The following BAG2 variants were observed in gnomAD, a reference collection of about 807,000 sequenced individuals.
The protein encoded by BAG2 is BAG family molecular chaperone regulator 2.
In BAG2, 8 loss-of-function variants were observed where a neutral mutation model predicts 16.4. The ratio of observed to expected loss-of-function variants is 0.49; its 90% CI spans 0.29 to 0.88. The LOEUF (loss-of-function observed/expected upper bound fraction) is 0.88, where lower values mean the gene tolerates loss of function less well. Ranked by LOEUF, BAG2 falls within the 40% of genes least tolerant of loss-of-function variation. The pLI, the probability that BAG2 is intolerant of heterozygous loss-of-function variation, is 0.09. For missense variants in BAG2, 218 were observed against 248.9 expected (o/e 0.88, Z 0.84); for synonymous variants, 82 against 89.2 (o/e 0.92, Z 0.46).
At position 57,188,673 on chromosome 6, in the gene BAG2, T is replaced by C. The variant is rs1248024289; in HGVS notation, c.*4483T>C. 1.3e-5 allele frequency: 2 copies of C among 152,232 alleles called. No homozygotes were observed. The highest frequency in any genetic ancestry group is 2.4e-5 in the African/African-American group (1 of 41,468). The allele number at this position is 152,232 out of a possible 1,614,324, so 9.4% of individuals were successfully genotyped here. On this transcript the variant is annotated 3_prime_UTR_variant, in exon 3 of 3. Transcript: ENST00000370693. ...AACTGAATTTTGCCCCCAAAACCTA[T>C]GTCACTATCAGCAATGGGAGTGGTG... is the stretch of plus-strand genomic sequence containing the variant.
At chr6:57,180,830 A>G (rs1562641608) in intron 1 of BAG2, among the ~76,000 whole-genome samples, 1 of 152,170 alleles carries the variant, frequency 6.6e-6, no homozygotes, top group Non-Finnish European at 1.5e-5. Context: ...AAGACATCCC[A>G]GACGTGGTTC....
At chr6:57,181,927 G>T in intron 1 of BAG2, 105 bp from the exon 2 acceptor site, 1 of 956,448 alleles carries the variant, frequency 1.0e-6, no homozygotes. Context: ...TTTTTGAAAA[G>T]TTTGGTGATC....
At position 57,188,751 on chromosome 6, in the gene BAG2, C is replaced by A. The variant is rs184971972; in HGVS notation, c.*4561C>A. On this transcript the variant is annotated 3_prime_UTR_variant, in exon 3 of 3. Transcript: ENST00000370693. Reference sequence around the variant, plus strand: ...TTACATTACTGTGAAATAGATAATGCCAGATCATTTCAATATAATGAAAAG... The same window carrying A: ...TTACATTACTGTGAAATAGATAATGACAGATCATTTCAATATAATGAAAAG... 651 of 152,192 alleles carry A rather than the reference C, an allele frequency of 4.3e-3. 4 individuals carry two copies. The highest frequency in any genetic ancestry group is 0.015 in the African/African-American group (635 of 41,510). 9.4% of individuals were successfully genotyped at this position (152,192 alleles called of 1,614,324 possible).
intron 1 of BAG2, among the ~76,000 whole-genome samples, chr6:57,181,525 G>A (rs1324371004): frequency 1.3e-5 from 2 of 151,952 alleles, no homozygotes; most frequent in African/African-American, 4.8e-5. Context: ...AACCCCAGGA[G>A]TTTGAGACCA....
At chr6:57,173,151 G>C in intron 1 of BAG2, 1 of 1,014,364 alleles carries the variant, frequency 9.9e-7, no homozygotes, top group Non-Finnish European at 1.2e-6. Flanking sequence ...ATTAAGGACT[G>C]TGGCAGCTTG....
chr6:57,174,019 C>T (rs1332894351), intron 1 of BAG2: 3 of 186,880 alleles, frequency 1.6e-5, no homozygotes, highest in African/African-American at 2.3e-5. Context: ...ATTATTAAGC[C>T]CTACACCAGG....
chr6:57,172,656 A>G lies in BAG2; in HGVS notation c.-42A>G. On this transcript the variant is annotated 5_prime_UTR_variant, in exon 1 of 3. Transcript: ENST00000370693. ...GGAGCGCTCCACTCGCTGCCGCCGGAGGGGCCGGTGACCTCTTGGCTACCC... is the reference window on the plus strand; with the variant it reads ...GGAGCGCTCCACTCGCTGCCGCCGGGGGGGCCGGTGACCTCTTGGCTACCC... 4 of 1,428,914 alleles carry G rather than the reference A, an allele frequency of 2.8e-6. No individual in the cohort carries two copies. The highest frequency in any genetic ancestry group is 3.7e-6 in the Non-Finnish European group (4 of 1,075,356). The allele number at this position is 1,428,914 out of a possible 1,614,324, so 88.5% of individuals were successfully genotyped here.
Position 57,178,713 on chromosome 6 carries a change from G to A in BAG2, c.114-3319G>A, listed in dbSNP as rs369175200. 9.6e-4 allele frequency among the ~76,000 whole-genome samples: 145 copies of A among 151,710 alleles called. 1 individual carries two copies. The highest frequency in any genetic ancestry group is 3.4e-3 in the African/African-American group (140 of 41,394). On this transcript the variant is annotated intron_variant, in intron 1 of 2. Coordinates refer to ENST00000370693, the MANE Select transcript of BAG2 (RefSeq NM_004282.4). ...AATGTATATAAGAAGTTCTATAAAT[G>A]ATGAAATCTGGTTTTCACAGGGATA...
In BAG2 at chr6:57,187,030, A is replaced by C. The variant is rs934480033; in HGVS notation, c.*2840A>C. On this transcript the variant is annotated 3_prime_UTR_variant, in exon 3 of 3. Coordinates refer to ENST00000370693, the MANE Select transcript of BAG2 (RefSeq NM_004282.4). ...ATGCATTTATTTTCTGATTATTGGAATTCATCCTTCATGAAATTTTTAGAG... is the reference window on the plus strand; with the variant it reads ...ATGCATTTATTTTCTGATTATTGGACTTCATCCTTCATGAAATTTTTAGAG... 11 of 152,338 alleles carry C rather than the reference A, an allele frequency of 7.2e-5. No individual in the cohort carries two copies. The allele number at this position is 152,338 out of a possible 1,614,324, so 9.4% of individuals were successfully genotyped here. A position where few individuals can be genotyped will look rare whatever the true frequency, so the allele number is the denominator to read the frequency against.
At position 57,188,585 on chromosome 6, in the gene BAG2, G is replaced by A. The variant is rs927910061; in HGVS notation, c.*4395G>A. ...TGTGCAAAAATTAAAGAGGAGAGTA[G>A]AGAGTAGAAAATTGAAGAGAGTAGA... is the stretch of plus-strand genomic sequence containing the variant. On this transcript the variant is annotated 3_prime_UTR_variant, in exon 3 of 3. Coordinates refer to ENST00000370693, the MANE Select transcript of BAG2 (RefSeq NM_004282.4). 1.3e-5 allele frequency: 2 copies of A among 152,146 alleles called. No individual in the cohort carries two copies. Among genetic ancestry groups the A allele is most frequent in the Non-Finnish European group, 2.9e-5 (2 of 68,000 alleles). 9.4% of individuals were successfully genotyped at this position (152,146 alleles called of 1,614,324 possible).
chr6:57,172,589 A>C lies in BAG2; in HGVS notation c.-109A>C. 13 of 882,906 alleles carry C rather than the reference A, an allele frequency of 1.5e-5. No individual in the cohort carries two copies. The highest frequency in any genetic ancestry group is 3.5e-5 in the East Asian group (1 of 28,912). 54.7% of individuals were successfully genotyped at this position (882,906 alleles called of 1,614,324 possible). A position where few individuals can be genotyped will look rare whatever the true frequency, so the allele number is the denominator to read the frequency against. ...GGTTGCCCCCGCGGGCGTCAGAGGG[A>C]GGGCGGGCGCCCGCGTGGTGACGGC... On this transcript the variant is annotated 5_prime_UTR_variant, in exon 1 of 3. Coordinates refer to ENST00000370693, the MANE Select transcript of BAG2 (RefSeq NM_004282.4).
chr6:57,187,257 AAATAAT>A lies in BAG2; in HGVS notation c.*3076_*3081del, dbSNP rs928530608. 6.6e-6 allele frequency: 1 copy of A among 152,172 alleles called. No homozygotes were observed. Among genetic ancestry groups the A allele is most frequent in the Non-Finnish European group, 1.5e-5 (1 of 68,016 alleles). The allele number at this position is 152,172 out of a possible 1,614,324, so 9.4% of individuals were successfully genotyped here. On this transcript the variant is annotated 3_prime_UTR_variant, in exon 3 of 3. Transcript: ENST00000370693. The stretch of plus-strand genomic sequence containing the variant: ...TGTAGATATTTCGAGAGACAGATGA[AAATAAT>A]AATAATAAAGATTATTATAGCCAAA...
intron 1 of BAG2, 31 bp downstream of exon 1, chr6:57,172,841 C>G (rs1764162096): frequency 1.4e-6 from 2 of 1,438,816 alleles, no homozygotes; most frequent in South Asian, 1.4e-5. Context: ...CTCGGGCGTT[C>G]TGCTCGCCGC....
At chr6:57,178,210 C>A (rs76071331) in intron 1 of BAG2, among the ~76,000 whole-genome samples, 11 of 151,948 alleles carry the variant, frequency 7.2e-5, no homozygotes, top group African/African-American at 2.7e-4. Context: ...GAGTTCCAGA[C>A]GAAAATAACA....
Position 57,183,864 on chromosome 6 carries a change from C to T in BAG2, c.310C>T (p.Pro104Ser), listed in dbSNP as rs756363272. 3.7e-6 allele frequency: 6 copies of T among 1,613,816 alleles called. No homozygotes were observed. Among genetic ancestry groups the T allele is most frequent in the South Asian group, 3.3e-5 (3 of 91,038 alleles). Residue 104 changes from proline (P) to serine (S), a missense_variant, in exon 3 of 3, where the codon CCC (proline) becomes TCC (serine). Physicochemically the swap from Pro to Ser is moderately conservative, Grantham distance 74. This residue lies in a region of BAG2 where 113 missense variants were observed against 128.0 expected (regional missense o/e 0.88). Transcript: ENST00000370693. ...AGTGTCAGTAGAAACAATTAGAAAC[C>T]CCCAGCAGCAAGAATCCCTAAAGCA... The part of the protein sequence containing the change: ...VEVSVETIRN[P>S]QQQESLKHAT...
In BAG2 at chr6:57,178,060, T is replaced by C. The variant is rs772788518; in HGVS notation, c.114-3972T>C. ...GGCCAGCCTTGATGTGAGGAAAAGT[T>C]CTTTCCCAATTTGGACGTGTAGCTG... On this transcript the variant is annotated intron_variant, in intron 1 of 2. Transcript: ENST00000370693. Among the ~76,000 whole-genome samples, 17 of 152,198 alleles carry C rather than the reference T, an allele frequency of 1.1e-4. 1 individual carries two copies.
In BAG2 at chr6:57,184,111, A is replaced by G; in HGVS notation, c.557A>G (p.Lys186Arg). ...TLLRNIENSDKAIKLLEHSKG... is the reference protein window; with the variant it reads ...TLLRNIENSDRAIKLLEHSKG... ...CTTAGAAATATTGAAAACTCTGACA[A>G]GGCCATCAAGCTATTAGAGCATTCT... is the stretch of plus-strand genomic sequence containing the variant. The change falls in exon 3 of 3, where the codon AAG (lysine) becomes AGG (arginine). Residue 186 changes from lysine (K) to arginine (R), a missense_variant. By Grantham distance (26) the Lys-to-Arg change is conservative. Transcript: ENST00000370693. The G allele has an allele frequency of 6.2e-7, 1 of 1,603,410 alleles. No homozygotes were observed. Among genetic ancestry groups the G allele is most frequent in the Non-Finnish European group, 8.5e-7 (1 of 1,177,266 alleles).
Position 57,172,666 on chromosome 6 carries a change from G to A in BAG2, c.-32G>A. ...ACTCGCTGCCGCCGGAGGGGCCGGT[G>A]ACCTCTTGGCTACCCCGCGTCGGAG... On this transcript the variant is annotated 5_prime_UTR_variant, in exon 1 of 3. Transcript: ENST00000370693. 1 of 1,469,006 alleles carries A rather than the reference G, an allele frequency of 6.8e-7. No homozygotes were observed. Among genetic ancestry groups the A allele is most frequent in the Non-Finnish European group, 9.1e-7 (1 of 1,100,572 alleles). The allele number at this position is 1,469,006 out of a possible 1,614,324, so 91.0% of individuals were successfully genotyped here. A position where few individuals can be genotyped will look rare whatever the true frequency, so the allele number is the denominator to read the frequency against.
Position 57,172,578 on chromosome 6 carries a change from G to T in BAG2, c.-120G>T. On this transcript the variant is annotated 5_prime_UTR_variant, in exon 1 of 3. Transcript: ENST00000370693. Reference sequence around the variant, plus strand: ...GAGTCCTCCCGGGTTGCCCCCGCGGGCGTCAGAGGGAGGGCGGGCGCCCGC... The same window carrying T: ...GAGTCCTCCCGGGTTGCCCCCGCGGTCGTCAGAGGGAGGGCGGGCGCCCGC... The T allele has an allele frequency of 5.1e-6, 4 of 784,138 alleles. No individual in the cohort carries two copies. Among genetic ancestry groups the T allele is most frequent in the Non-Finnish European group, 7.4e-6 (4 of 540,660 alleles). The allele number at this position is 784,138 out of a possible 1,614,324, so 48.6% of individuals were successfully genotyped here.
Sources: allele counts gnomAD v4.1 joint callset (sites outside exome capture counted in the v4.1 genomes callset), GRCh38; gene constraint gnomAD v4.1.1; regional missense constraint gnomAD v4.1.1; transcripts MANE v1.5; gene names NCBI Gene and HGNC (gene_info 2026-07-23, HGNC 2026-07-21).